Variants in AGTPBP1 observed in about 807,000 individuals in gnomAD.
The protein encoded by AGTPBP1 is ATP/GTP binding carboxypeptidase 1, also known as cytosolic carboxypeptidase 1.
A neutral mutation model predicts 143.9 loss-of-function variants in AGTPBP1; 70 were observed. The observed-to-expected ratio is 0.49, with a 90% confidence interval of 0.40 to 0.59. The LOEUF (loss-of-function observed/expected upper bound fraction) is 0.59, where lower values mean the gene tolerates loss of function less well. Among genes scored for constraint, AGTPBP1 ranks in the 20% least tolerant of loss-of-function variants. The pLI is 0.00. For synonymous variants in AGTPBP1, 463 were observed against 500.2 expected (o/e 0.93, Z 0.99); for missense variants, 1,229 against 1,464.5 (o/e 0.84, Z 2.62).
At chr9:85,804,854 G>A in the AGTPBP1 span, among the ~76,000 whole-genome samples, 3 of 152,160 alleles carry the variant, frequency 2.0e-5, no homozygotes, top group East Asian at 1.9e-4. Context: ...TGACTTGCAG[G>A]ACCATCCCTA....
chr9:85,696,044 G>A lies in AGTPBP1; in HGVS notation c.33-3231C>T, dbSNP rs999087277. On this transcript the variant is annotated intron_variant, in intron 2 of 25. Coordinates refer to ENST00000357081, the MANE Select transcript of AGTPBP1 (RefSeq NM_001330701.2). ...TTTAGTAGAGACGGGGTTTCACCAC[G>A]TTGGTCAGGCTGGTCTCGAACTTGT... Among the ~76,000 whole-genome samples, 9 of 152,028 alleles carry A rather than the reference G, an allele frequency of 5.9e-5. 1 individual carries two copies. The highest frequency in any genetic ancestry group is 1.4e-4 in the African/African-American group (6 of 41,410).
At position 85,586,877 on chromosome 9, in the gene AGTPBP1, G is replaced by A. The variant is rs2133178288; in HGVS notation, c.2987C>T (p.Ala996Val). ...AGCCAAGTATTGCAACAGCCCCTTA[G>A]CATGGTAAATTGTAGGATGTAAATC... Reference protein sequence around the residue: ...SPDLHPTIYHAKGLLQYLAAV... With the variant: ...SPDLHPTIYHVKGLLQYLAAV... The change falls in exon 22 of 26, where the codon GCT becomes GTT. Residue 996 changes from alanine (A) to valine (V), a missense_variant. Transcript: ENST00000357081. 6.2e-7 allele frequency: 1 copy of A among 1,613,990 alleles called. No individual in the cohort carries two copies. Among genetic ancestry groups the A allele is most frequent in the Non-Finnish European group, 8.5e-7 (1 of 1,179,930 alleles).
At chr9:85,733,464 T>C (rs991853853) in intron 1 of AGTPBP1, among the ~76,000 whole-genome samples, 6 of 152,108 alleles carry the variant, frequency 3.9e-5, no homozygotes, top group African/African-American at 2.4e-5. Flanking sequence ...TTACAGGATA[T>C]AGCAAAAGCA....
chr9:85,753,167 G>C, the AGTPBP1 span: 1 of 1,065,800 alleles, frequency 9.4e-7, no homozygotes, highest in South Asian at 1.7e-5. Flanking sequence ...TTGAGGCTGT[G>C]ATTGTGCCAC....
At chr9:85,724,677 A>AT (rs1455516922) in intron 1 of AGTPBP1, among the ~76,000 whole-genome samples, 1 of 152,214 alleles carries the variant, frequency 6.6e-6, no homozygotes. Flanking sequence ...CCACTACTTG[A>AT]TTCTTTTTAT....
rs190122836 is a variant in AGTPBP1 at position 85,704,841 on chromosome 9, G to A, written c.32+7661C>T. On this transcript the variant is annotated intron_variant, in intron 2 of 25. Coordinates refer to ENST00000357081, the MANE Select transcript of AGTPBP1 (RefSeq NM_001330701.2). ...AAAATAGGTGTTGTAACTATATTAC[G>A]TGTGTGCAAAACTAGTCACTTAAAA... 1.7e-4 allele frequency among the ~76,000 whole-genome samples: 26 copies of A among 152,172 alleles called. No individual in the cohort carries two copies. In the East Asian group the frequency reaches 2.1e-3, roughly 12 times the overall value.
chr9:85,638,792 C>G (rs1429124104), intron 13 of AGTPBP1, among the ~76,000 whole-genome samples: 2 of 151,770 alleles, frequency 1.3e-5, no homozygotes, highest in Non-Finnish European at 1.5e-5. Context: ...AAATATATAA[C>G]AAAAAACTAA....
chr9:85,773,960 G>A, the AGTPBP1 span: 7 of 1,609,656 alleles, frequency 4.3e-6, no homozygotes, highest in Non-Finnish European at 6.0e-6. Flanking sequence ...ATCTAAAATT[G>A]CAGTGTGACC....
intron 13 of AGTPBP1, among the ~76,000 whole-genome samples, chr9:85,637,429 G>A (rs1002913949): frequency 1.8e-4 from 28 of 152,148 alleles, no homozygotes; most frequent in African/African-American, 6.0e-4. Context: ...ATTCCAACAC[G>A]CATCCACAAA....
At chr9:85,719,860 T>G (rs1397314447) in intron 1 of AGTPBP1, among the ~76,000 whole-genome samples, 1 of 152,256 alleles carries the variant, frequency 6.6e-6, no homozygotes, top group East Asian at 1.9e-4. Flanking sequence ...ATTGACAGTT[T>G]GTAACATGAA....
the AGTPBP1 span, among the ~76,000 whole-genome samples, chr9:85,760,309 A>T: frequency 6.6e-6 from 1 of 152,200 alleles, no homozygotes; most frequent in African/African-American, 2.4e-5. Context: ...TGGCAGAGAC[A>T]CAACAAAAAA....
At chr9:85,604,330 T>C (rs1829862046) in intron 17 of AGTPBP1, among the ~76,000 whole-genome samples, 1 of 152,194 alleles carries the variant, frequency 6.6e-6, no homozygotes, top group Non-Finnish European at 1.5e-5. Context: ...TGCCTGATAA[T>C]CCAAGAAATT....
At chr9:85,695,411 T>C (rs1836159635) in intron 2 of AGTPBP1, among the ~76,000 whole-genome samples, 1 of 152,162 alleles carries the variant, frequency 6.6e-6, no homozygotes, top group African/African-American at 2.4e-5. Flanking sequence ...TTTCAGCAAA[T>C]GTGCAAGGCC....
chr9:85,592,581 T>C lies in AGTPBP1; in HGVS notation c.2547A>G (p.Pro849=), dbSNP rs763443839. Residue 849 remains proline (P), a synonymous_variant, in exon 19 of 26, where the codon CCA becomes CCG. Coordinates refer to ENST00000357081, the MANE Select transcript of AGTPBP1 (RefSeq NM_001330701.2). ...DDVCYFAYHY[P]YTYSTLQMHL... is the part of the protein sequence containing the mutation. Reference sequence around the variant, plus strand: ...TTACCTGTAAAGTTGAATACGTATATGGATAGTGATAAGCAAAGTAGCAAA... The same window carrying C: ...TTACCTGTAAAGTTGAATACGTATACGGATAGTGATAAGCAAAGTAGCAAA... The C allele has an allele frequency of 1.2e-6, 2 of 1,608,930 alleles. No homozygotes were observed. Among genetic ancestry groups the C allele is most frequent in the Non-Finnish European group, 1.7e-6 (2 of 1,177,794 alleles).
At chr9:85,706,061 G>C (rs1189958291) in intron 2 of AGTPBP1, among the ~76,000 whole-genome samples, 1 of 151,812 alleles carries the variant, frequency 6.6e-6, no homozygotes, top group African/African-American at 2.4e-5. Context: ...TATACTAGAT[G>C]TATAGTATAA....
chr9:85,651,272 T>C (rs896061107), intron 11 of AGTPBP1, among the ~76,000 whole-genome samples: 24 of 152,192 alleles, frequency 1.6e-4, no homozygotes, highest in Non-Finnish European at 2.5e-4. Context: ...CACCCATGTA[T>C]TTCTATGGGT....
chr9:85,715,791 A>G (rs987823124), intron 1 of AGTPBP1, among the ~76,000 whole-genome samples: 1 of 152,242 alleles, frequency 6.6e-6, no homozygotes, highest in South Asian at 2.1e-4. Flanking sequence ...ACCTAGAAGC[A>G]GAAGTGTTGC....
intron 1 of AGTPBP1, among the ~76,000 whole-genome samples, chr9:85,715,352 T>G (rs1564175441): frequency 6.6e-6 from 1 of 151,752 alleles, no homozygotes. Flanking sequence ...AAAGGAAAAC[T>G]AAGAGGGAAG....
the AGTPBP1 span, among the ~76,000 whole-genome samples, chr9:85,775,045 G>T: frequency 6.6e-6 from 1 of 152,176 alleles, no homozygotes; most frequent in Non-Finnish European, 1.5e-5. Context: ...GCTCATCCCT[G>T]TAATCCCAGC....
Sources: gnomAD v4.1 joint callset for allele counts (sites outside exome capture counted in the v4.1 genomes callset) on GRCh38, gnomAD v4.1.1 for gene constraint, MANE v1.5 for transcripts, NCBI Gene and HGNC (gene_info 2026-07-23, HGNC 2026-07-21) for gene names.